Variants in TOX2 observed in about 807,000 individuals in gnomAD.
The protein encoded by TOX2 is TOX high mobility group box family member 2, also known as granulosa cell HMG box 1.
A neutral mutation model predicts 47.4 loss-of-function variants in TOX2; 15 were observed. That is an observed-to-expected ratio of 0.32 (90% confidence interval 0.21 to 0.49). The LOEUF (loss-of-function observed/expected upper bound fraction) is 0.49, where lower values mean the gene tolerates loss of function less well. Ranked by LOEUF, TOX2 falls within the 20% of genes least tolerant of loss-of-function variation. The probability of loss-of-function intolerance (pLI) is 0.99; values close to 1 mark genes in which losing one functional copy is unlikely to be tolerated. For synonymous variants in TOX2, 290 were observed against 296.6 expected (o/e 0.98, Z 0.23); for missense variants, 622 against 673.1 (o/e 0.92, Z 0.84).
At chr20:43,979,900 A>G (rs1177171666) in intron 2 of TOX2, among the ~76,000 whole-genome samples, 5 of 152,230 alleles carry the variant, frequency 3.3e-5, no homozygotes, top group Admixed American at 2.0e-4. Flanking sequence ...GGATATGGAG[A>G]AAAGGGAACC....
intron 3 of TOX2, among the ~76,000 whole-genome samples, chr20:44,011,777 T>C (rs891811429): frequency 1.3e-5 from 2 of 152,230 alleles, no homozygotes; most frequent in Non-Finnish European, 2.9e-5. Flanking sequence ...GACAGCCATC[T>C]CATAAATGCC....
intron 1 of TOX2, among the ~76,000 whole-genome samples, chr20:43,927,182 C>CT (rs1175322926): frequency 6.6e-6 from 1 of 152,158 alleles, no homozygotes; most frequent in Admixed American, 6.5e-5. Context: ...TCAAATGCAA[C>CT]TTACCAATCA....
intron 1 of TOX2, among the ~76,000 whole-genome samples, chr20:43,966,900 C>T (rs996686506): frequency 5.3e-5 from 8 of 152,018 alleles, no homozygotes; most frequent in African/African-American, 1.4e-4. Flanking sequence ...AGGAGTGAAG[C>T]GATTGCCCAA....
chr20:43,963,349 C>G (rs1332331416), intron 1 of TOX2, among the ~76,000 whole-genome samples: 1 of 151,786 alleles, frequency 6.6e-6, no homozygotes, highest in Non-Finnish European at 1.5e-5. Flanking sequence ...AAGGGGCCCA[C>G]AGCACTGAGC....
chr20:43,951,768 G>GTGGCA (rs2069578588), intron 1 of TOX2, among the ~76,000 whole-genome samples: 1 of 131,650 alleles, frequency 7.6e-6, no homozygotes, highest in Admixed American at 8.9e-5. Flanking sequence ...CTCTAGTGCA[G>GTGGCA]TGGCATGATA....
At chr20:44,065,614 A>T in intron 6 of TOX2, 98 bp from the exon 7 acceptor site, 1 of 1,406,064 alleles carries the variant, frequency 7.1e-7, no homozygotes. Context: ...GCCAGCCAGC[A>T]GCCGTGTCAG....
At chr20:43,947,360 C>G (rs141002361) in intron 1 of TOX2, among the ~76,000 whole-genome samples, 2 of 152,204 alleles carry the variant, frequency 1.3e-5, no homozygotes, top group Non-Finnish European at 2.9e-5. Flanking sequence ...CACACATGCA[C>G]GTGTGCACAC....
chr20:44,044,836 T>C (rs1298163457), intron 3 of TOX2, among the ~76,000 whole-genome samples: 1 of 152,220 alleles, frequency 6.6e-6, no homozygotes, highest in East Asian at 1.9e-4. Context: ...CCCACATTCC[T>C]AGCAGCATTA....
chr20:44,006,268 A>C (rs1207427728), intron 2 of TOX2, among the ~76,000 whole-genome samples: 1 of 152,138 alleles, frequency 6.6e-6, no homozygotes, highest in South Asian at 2.1e-4. Context: ...ATCTGGTGGG[A>C]AACCAGAGAG....
chr20:43,940,173 T>A (rs1457515532), intron 1 of TOX2, among the ~76,000 whole-genome samples: 1 of 151,684 alleles, frequency 6.6e-6, no homozygotes, highest in Non-Finnish European at 1.5e-5. Context: ...ACTTTCTACC[T>A]TGAGGACAGT....
intron 2 of TOX2, among the ~76,000 whole-genome samples, chr20:43,995,110 T>C (rs1251117121): frequency 1.3e-5 from 2 of 152,156 alleles, no homozygotes. Flanking sequence ...TATGGACTTT[T>C]AGTTTTTTAT....
At position 44,006,816 on chromosome 20, in the gene TOX2, G is replaced by C. The variant is rs528283500; in HGVS notation, c.411+24G>C. 3.0e-5 allele frequency: 48 copies of C among 1,606,820 alleles called. No individual in the cohort carries two copies. In the South Asian group the frequency reaches 4.9e-4, roughly 16 times the overall value. On this transcript the variant is annotated intron_variant, in intron 3 of 8. Transcript: ENST00000341197. ...CGGTGAGTCCCTATCGCCTGCTGCA[G>C]TTCCTGCTGATGACAGCAGGGAGGG...
intron 1 of TOX2, among the ~76,000 whole-genome samples, chr20:43,965,147 G>A (rs2069827868): frequency 6.6e-6 from 1 of 152,184 alleles, no homozygotes; most frequent in Non-Finnish European, 1.5e-5. Context: ...CCTGGGATAG[G>A]AGGACTTTCA....
chr20:44,023,452 G>C (rs200189580), intron 3 of TOX2, among the ~76,000 whole-genome samples: 4 of 102,734 alleles, frequency 3.9e-5, no homozygotes, highest in Non-Finnish European at 7.9e-5. Flanking sequence ...AAAAAAAAAG[G>C]AGGGAAAGAA....
Position 44,054,532 on chromosome 20 carries a change from C to T in TOX2, c.879+6C>T, listed in dbSNP as rs73908516. The T allele has an allele frequency of 3.4e-4, 541 of 1,612,350 alleles. No individual in the cohort carries two copies. The African/African-American group carries it at 6.5e-3, about 19-fold the overall frequency. ...TGGGAGAGGAACAGAAGCAGGTGAGCCTCCCTCTCTTTCTGGGCCATCCCC... is the reference window on the plus strand; with the variant it reads ...TGGGAGAGGAACAGAAGCAGGTGAGTCTCCCTCTCTTTCTGGGCCATCCCC... On this transcript the variant is annotated splice_donor_region_variant and intron_variant, in intron 5 of 8. Coordinates refer to ENST00000341197, the MANE Select transcript of TOX2 (RefSeq NM_001098797.2).
rs144497377 is a variant in TOX2 at position 44,048,138 on chromosome 20, G to C, written c.412-3168G>C. ...GGAGGCTGAGGCAGAAAAATTGCTTGAACCCTGGAGGTGGAGGCAGAGGTT... is the reference window on the plus strand; with the variant it reads ...GGAGGCTGAGGCAGAAAAATTGCTTCAACCCTGGAGGTGGAGGCAGAGGTT... On this transcript the variant is annotated intron_variant, in intron 3 of 8. Coordinates refer to ENST00000341197, the MANE Select transcript of TOX2 (RefSeq NM_001098797.2). Among the ~76,000 whole-genome samples the C allele has an allele frequency of 8.0e-4, 121 of 152,042 alleles. 2 individuals carry two copies. In the East Asian group the frequency reaches 0.021, roughly 27 times the overall value.
chr20:43,965,264 C>T (rs1370080709), intron 1 of TOX2, among the ~76,000 whole-genome samples: 2 of 152,128 alleles, frequency 1.3e-5, no homozygotes, highest in East Asian at 1.9e-4. Context: ...GTAAAGCTCC[C>T]AGTGACAAAT....
Position 44,068,761 on chromosome 20 carries a change from G to A in TOX2, c.*75G>A. The A allele has an allele frequency of 1.3e-6, 2 of 1,597,518 alleles. No individual in the cohort carries two copies. Among genetic ancestry groups the A allele is most frequent in the Non-Finnish European group, 1.7e-6 (2 of 1,169,216 alleles). On this transcript the variant is annotated 3_prime_UTR_variant, in exon 9 of 9. Coordinates refer to ENST00000341197, the MANE Select transcript of TOX2 (RefSeq NM_001098797.2). ...CCTGAAGGGCTGACAGCAGAAAAGA[G>A]GCCCTGGCCAGAGGCAGGGTGGCCC... is the stretch of plus-strand genomic sequence containing the variant.
chr20:43,970,298 T>C (rs1372575248), intron 1 of TOX2, among the ~76,000 whole-genome samples: 1 of 152,254 alleles, frequency 6.6e-6, no homozygotes, highest in Non-Finnish European at 1.5e-5. Context: ...ATCGTGAGGA[T>C]TAAATGAGGT....
Sources: allele counts gnomAD v4.1 joint callset (sites outside exome capture counted in the v4.1 genomes callset), GRCh38; gene constraint gnomAD v4.1.1; transcripts MANE v1.5; gene names NCBI Gene and HGNC (gene_info 2026-07-23, HGNC 2026-07-21).